Variants in TNS3 observed in about 807,000 individuals in gnomAD.
The protein encoded by TNS3 is tensin 3.
A neutral mutation model predicts 140.9 loss-of-function variants in TNS3; 45 were observed. The ratio of observed to expected loss-of-function variants is 0.32; its 90% CI spans 0.25 to 0.41. The LOEUF is 0.41. TNS3 is among the 10% of genes least tolerant of loss of function. The pLI, the probability that TNS3 is intolerant of heterozygous loss-of-function variation, is 1.00. For missense variants in TNS3, 1,716 were observed against 1,906.7 expected (o/e 0.90, Z 1.86); for synonymous variants, 815 against 788.4 (o/e 1.03, Z -0.56).
intron 10 of TNS3, among the ~76,000 whole-genome samples, chr7:47,417,784 C>CA (rs1794163821): frequency 6.6e-6 from 1 of 151,906 alleles, no homozygotes; most frequent in South Asian, 2.1e-4. Context: ...ACATATTGTT[C>CA]AAAATCCCAA....
intron 1 of TNS3, among the ~76,000 whole-genome samples, chr7:47,534,037 G>A (rs966660157): frequency 2.6e-5 from 4 of 152,122 alleles, no homozygotes; most frequent in African/African-American, 9.7e-5. Flanking sequence ...ATTTTGGGAC[G>A]CCGAGGCGGG....
intron 13 of TNS3, chr7:47,405,450 C>T: frequency 1.4e-6 from 1 of 699,136 alleles, no homozygotes; most frequent in South Asian, 1.5e-5. Context: ...AGTTAGATAG[C>T]TAAGCCCCAT....
chr7:47,331,199 G>C (rs192711497), intron 20 of TNS3, among the ~76,000 whole-genome samples: 1 of 152,170 alleles, frequency 6.6e-6, no homozygotes, highest in Non-Finnish European at 1.5e-5. Context: ...TGACCCACAG[G>C]TTCTGTTTTC....
intron 28 of TNS3, among the ~76,000 whole-genome samples, chr7:47,281,824 C>T (rs552427191): frequency 6.6e-6 from 1 of 152,338 alleles, no homozygotes; most frequent in African/African-American, 2.4e-5. Context: ...GAACAGTCAA[C>T]ATTGTGAGGG....
chr7:47,460,031 G>T (rs572617290), intron 4 of TNS3, among the ~76,000 whole-genome samples: 5 of 152,018 alleles, frequency 3.3e-5, no homozygotes, highest in Non-Finnish European at 5.9e-5. Flanking sequence ...GGCTAACACG[G>T]TGAAACCTCG....
At chr7:47,470,221 G>A (rs993158051) in intron 4 of TNS3, among the ~76,000 whole-genome samples, 10 of 152,290 alleles carry the variant, frequency 6.6e-5, no homozygotes, top group African/African-American at 2.4e-4. Flanking sequence ...AGTGAGGAGA[G>A]TGGGAGAGGG....
chr7:47,509,571 C>T (rs2151889836), intron 2 of TNS3, among the ~76,000 whole-genome samples: 1 of 152,240 alleles, frequency 6.6e-6, no homozygotes, highest in East Asian at 1.9e-4. Context: ...GACTCCAGCC[C>T]GTCTGTGCAT....
chr7:47,452,880 G>A (rs1796080126), intron 4 of TNS3: 1 of 980,462 alleles, frequency 1.0e-6, no homozygotes, highest in South Asian at 4.7e-5. Context: ...GACAGACAAA[G>A]TGCCCAGTGC....
At chr7:47,553,204 T>TTC (rs1800107701) in intron 1 of TNS3, among the ~76,000 whole-genome samples, 1 of 152,242 alleles carries the variant, frequency 6.6e-6, no homozygotes, top group Non-Finnish European at 1.5e-5. Context: ...CAGCAAGTAC[T>TTC]AATGTAGAAG....
In TNS3 at chr7:47,278,175, A is replaced by T. The variant is rs754094517; in HGVS notation, c.4239T>A (p.Asn1413Lys). 31 of 1,614,048 alleles carry T rather than the reference A, an allele frequency of 1.9e-5. No homozygotes were observed. The highest frequency in any genetic ancestry group is 5.0e-5 in the Admixed American group (3 of 60,000). The change falls in exon 31 of 31, where the codon AAT becomes AAA. Residue 1413 changes from asparagine (N) to lysine (K), a missense_variant. By Grantham distance (94) the Asn-to-Lys change is moderately conservative. Transcript: ENST00000311160. ...CATGCTCTGCAAACAGGTGGCACAC[A>T]TTATCCGTGGCACTGCCCTGCTTCC... is the stretch of plus-strand genomic sequence containing the variant. ...VARKQGSATD[N>K]VCHLFAEHDP...
intron 1 of TNS3, among the ~76,000 whole-genome samples, chr7:47,542,425 A>C (rs1185525462): frequency 6.6e-6 from 1 of 152,202 alleles, no homozygotes; most frequent in East Asian, 1.9e-4. Flanking sequence ...TCACAGAGCC[A>C]CTGTCCTGGC....
chr7:47,382,097 C>A (rs184578067), intron 16 of TNS3, among the ~76,000 whole-genome samples: 2 of 152,286 alleles, frequency 1.3e-5, no homozygotes, highest in East Asian at 3.9e-4. Flanking sequence ...CAGACCACTG[C>A]ATCACAAAAC....
intron 4 of TNS3, among the ~76,000 whole-genome samples, chr7:47,445,336 C>T (rs920080417): frequency 3.9e-5 from 6 of 152,162 alleles, no homozygotes; most frequent in African/African-American, 1.4e-4. Context: ...GACATCACCA[C>T]CCCTATGTTA....
Position 47,276,298 on chromosome 7 carries a change from TCACACACGCATACACGCACGCATG to T in TNS3, c.*1754_*1777del, listed in dbSNP as rs1394580939. ...AAAAAGTGGAATGGTCCACCTGCTT[TCACACACGCATACACGCACGCATG>T]CACACACGCACACACACACAACACC... On this transcript the variant is annotated 3_prime_UTR_variant, in exon 31 of 31. Coordinates refer to ENST00000311160, the MANE Select transcript of TNS3 (RefSeq NM_022748.12). The T allele has an allele frequency of 5.6e-6, 1 of 179,596 alleles. No individual in the cohort carries two copies. Among genetic ancestry groups the T allele is most frequent in the Non-Finnish European group, 1.2e-5 (1 of 84,934 alleles). The allele number at this position is 179,596 out of a possible 1,614,324, so 11.1% of individuals were successfully genotyped here.
Position 47,407,091 on chromosome 7 carries a change from C to T in TNS3, c.723+4636G>A, listed in dbSNP as rs989252324. On this transcript the variant is annotated intron_variant, in intron 13 of 30. Transcript: ENST00000311160. The surrounding 1 kb of genome is among the most constrained non-coding windows in gnomAD (Gnocchi z 4.1). ...GCCAATAATGAGAAACGTGCAACCG[C>T]ATTTTTTTCTTCCTGTGTTGTTCCC... Among the ~76,000 whole-genome samples the T allele has an allele frequency of 6.6e-6, 1 of 152,148 alleles. No homozygotes were observed. Among genetic ancestry groups the T allele is most frequent in the Non-Finnish European group, 1.5e-5 (1 of 68,034 alleles).
At chr7:47,353,917 G>C (rs932348081) in intron 17 of TNS3, among the ~76,000 whole-genome samples, 1 of 151,528 alleles carries the variant, frequency 6.6e-6, no homozygotes, top group African/African-American at 2.4e-5. Context: ...CTGCAGAAAG[G>C]GGAGGTATGG....
At position 47,369,507 on chromosome 7, in the gene TNS3, G is replaced by A. The variant is rs142264446; in HGVS notation, c.1139C>T (p.Pro380Leu). Residue 380 changes from proline (P) to leucine (L), a missense_variant, in exon 17 of 31, where the codon CCA becomes CTA. Transcript: ENST00000311160. ...AGACAAGGTGTGGTCACTGTGGTCT[G>A]GGCTGTTGGTGGCCGGGATTGCCTG... ...GPQAIPATNS[P>L]DHSDHTLSVS... The A allele has an allele frequency of 2.0e-3, 3,274 of 1,614,100 alleles. 54 individuals are homozygous for A. The African/African-American group carries it at 0.038, about 19-fold the overall frequency.
intron 1 of TNS3, among the ~76,000 whole-genome samples, chr7:47,571,550 G>A (rs1197578859): frequency 1.3e-5 from 2 of 151,966 alleles, no homozygotes; most frequent in Non-Finnish European, 2.9e-5. Flanking sequence ...AAAAACCAGT[G>A]TGTACAAATG....
At chr7:47,428,920 C>T in intron 8 of TNS3, among the ~76,000 whole-genome samples, 1 of 152,176 alleles carries the variant, frequency 6.6e-6, no homozygotes, top group East Asian at 1.9e-4. Flanking sequence ...TGGAAAAGGA[C>T]TCACTCAAAC....
Sources: allele counts gnomAD v4.1 joint callset (sites outside exome capture counted in the v4.1 genomes callset), GRCh38; gene constraint gnomAD v4.1.1; non-coding constraint Gnocchi (gnomAD v3.1); transcripts MANE v1.5; gene names NCBI Gene and HGNC (gene_info 2026-07-23, HGNC 2026-07-21).